Variants in FREM3 observed in about 807,000 individuals in gnomAD.
The protein encoded by FREM3 is FRAS1 related extracellular matrix 3.
Under a neutral mutation model 129.1 loss-of-function variants are expected in FREM3, and 105 were observed. That is an observed-to-expected ratio of 0.81 (90% CI 0.69 to 0.96). The LOEUF (loss-of-function observed/expected upper bound fraction) is 0.96, where lower values mean the gene tolerates loss of function less well. FREM3 is among the 40% of genes least tolerant of loss of function. FREM3 has a pLI of 0.00. For synonymous variants in FREM3, 1,014 were observed against 1,044.9 expected, an observed-to-expected ratio of 0.97 and a Z score of 0.57; for missense variants, 2,593 against 2,666.3, an observed-to-expected ratio of 0.97 and a Z score of 0.61.
At chr4:143,633,735 A>G (rs1302404222) in intron 2 of FREM3, among the ~76,000 whole-genome samples, 2 of 152,202 alleles carry the variant, frequency 1.3e-5, no homozygotes, top group African/African-American at 4.8e-5. Context: ...GCATAAATCA[A>G]TTACATACAG....
chr4:143,624,015 A>T, intron 4 of FREM3, 93 bp downstream of exon 4: 1 of 682,262 alleles, frequency 1.5e-6, no homozygotes, highest in Non-Finnish European at 2.5e-6. Flanking sequence ...GAACGCATTT[A>T]GTGGCTTACA....
chr4:143,593,993 G>A (rs992540750), intron 6 of FREM3, among the ~76,000 whole-genome samples: 2 of 152,206 alleles, frequency 1.3e-5, no homozygotes, highest in Non-Finnish European at 2.9e-5. Flanking sequence ...TGCTAGCAAT[G>A]AGCGAGGCTC....
At chr4:143,595,661 G>A (rs1200520088) in intron 6 of FREM3, among the ~76,000 whole-genome samples, 4 of 152,108 alleles carry the variant, frequency 2.6e-5, no homozygotes, top group African/African-American at 4.8e-5. Flanking sequence ...GCCAAGGTGG[G>A]CGGATCACGA....
chr4:143,610,720 A>G (rs1451907562), intron 6 of FREM3, among the ~76,000 whole-genome samples: 1 of 152,194 alleles, frequency 6.6e-6, no homozygotes, highest in Non-Finnish European at 1.5e-5. Flanking sequence ...TGGGCTTGAT[A>G]CTTTGTGTCG....
intron 6 of FREM3, among the ~76,000 whole-genome samples, chr4:143,592,370 G>A (rs1738380518): frequency 6.6e-6 from 1 of 151,156 alleles, no homozygotes; most frequent in East Asian, 1.9e-4. Context: ...TTTTTGCAGT[G>A]GCTGGTACTG....
At position 143,698,584 on chromosome 4, in the gene FREM3, C is replaced by T; in HGVS notation, c.2092G>A (p.Val698Met). The T allele has an allele frequency of 6.5e-7, 1 of 1,537,774 alleles. No homozygotes were observed. Among genetic ancestry groups the T allele is most frequent in the African/African-American group, 1.4e-5 (1 of 73,148 alleles). ...TACAGCTGTGGACTCAGTATATCCA[C>T]TGGTTGGACCTTGATGGTGAAAATG... Reference protein sequence around the residue: ...QHIFTIKVQPVDILSPQLYPG... With the variant: ...QHIFTIKVQPMDILSPQLYPG... Residue 698 changes from valine to methionine, a missense_variant, in exon 1 of 8, where the codon GTG (valine) becomes ATG (methionine). Physicochemically the swap from Val to Met is conservative, Grantham distance 21. Coordinates refer to ENST00000329798, the MANE Select transcript of FREM3 (RefSeq NM_001168235.2).
chr4:143,669,928 C>T (rs546256050), intron 2 of FREM3, among the ~76,000 whole-genome samples: 24 of 152,284 alleles, frequency 1.6e-4, no homozygotes, highest in Non-Finnish European at 3.5e-4. Context: ...GCCCTGCTCC[C>T]TTCCTCCCTT....
At position 143,699,540 on chromosome 4, in the gene FREM3, TG is replaced by T; in HGVS notation, c.1135del (p.Gln379SerfsTer4). On this transcript the variant is annotated frameshift_variant, in exon 1 of 8. Transcript: ENST00000329798. LOFTEE classifies it high-confidence loss of function. The surrounding 1 kb of genome is among the most constrained non-coding windows in gnomAD (Gnocchi z 4.2). ...AATCTTCAGCTCCCTCAGCTCCTGC[TG>T]GGTGAAGAAGGAGACTGGAAGCCCT... ...PLGLPVSFFT[Q>X]QELRELKIAY... The T allele has an allele frequency of 6.5e-7, 1 of 1,537,216 alleles. No homozygotes were observed. Among genetic ancestry groups the T allele is most frequent in the Non-Finnish European group, 8.7e-7 (1 of 1,146,886 alleles).
At chr4:143,607,650 A>G (rs1363510962) in intron 6 of FREM3, among the ~76,000 whole-genome samples, 2 of 152,184 alleles carry the variant, frequency 1.3e-5, no homozygotes, top group African/African-American at 4.8e-5. Flanking sequence ...GTATTTTCTT[A>G]AAGACAAGAA....
chr4:143,664,358 C>G (rs924241391), intron 2 of FREM3, among the ~76,000 whole-genome samples: 83 of 152,212 alleles, frequency 5.5e-4, no homozygotes, highest in Middle Eastern at 3.4e-3. Flanking sequence ...CACTCCAGAC[C>G]CTGTTTGCCT....
At position 143,698,667 on chromosome 4, in the gene FREM3, A is replaced by C; in HGVS notation, c.2009T>G (p.Val670Gly). Residue 670 changes from valine to glycine, a missense_variant, in exon 1 of 8, where the codon GTC becomes GGC. Val to Gly is a moderately radical substitution (Grantham distance 109, BLOSUM62 -3). Around this residue, in one of 2 missense-constraint regions of FREM3, gnomAD observed 2,276 missense variants for 2,267.2 expected, o/e 1.00. Coordinates refer to ENST00000329798, the MANE Select transcript of FREM3 (RefSeq NM_001168235.2). ...ATCCTGCACATGGAAAGCCAGCTGG[A>C]CCATTACAGATTGAGGGCTGTGTGG... ...LGPHSPQSVM[V>G]QLAFHVQDDH... 6.5e-7 allele frequency: 1 copy of C among 1,537,706 alleles called. No individual in the cohort carries two copies. The highest frequency in any genetic ancestry group is 8.7e-7 in the Non-Finnish European group (1 of 1,147,018).
In FREM3 at chr4:143,638,353, T is replaced by C. The variant is rs139417344; in HGVS notation, c.5276-10593A>G. Among the ~76,000 whole-genome samples the C allele has an allele frequency of 2.0e-3, 310 of 152,266 alleles. 3 individuals are homozygous for C. The highest frequency in any genetic ancestry group is 7.3e-3 in the African/African-American group (303 of 41,562). On this transcript the variant is annotated intron_variant, in intron 2 of 7. Coordinates refer to ENST00000329798, the MANE Select transcript of FREM3 (RefSeq NM_001168235.2). The stretch of plus-strand genomic sequence containing the variant: ...ACTGCGTGCCCACATGGGCCATCTC[T>C]TTTTGGGAGTTGAGGCTCCACATGG...
At chr4:143,590,003 A>G (rs879446930) in intron 6 of FREM3, among the ~76,000 whole-genome samples, 13 of 152,170 alleles carry the variant, frequency 8.5e-5, no homozygotes, top group East Asian at 5.8e-4. Flanking sequence ...CTTTGAAGCA[A>G]TTGTGAACGG....
intron 2 of FREM3, among the ~76,000 whole-genome samples, chr4:143,686,003 T>TTATA (rs142962701): frequency 1.3e-5 from 2 of 150,648 alleles, no homozygotes; most frequent in Non-Finnish European, 3.0e-5. Flanking sequence ...AGAACTTAAA[T>TTATA]TATATATATA....
At chr4:143,625,271 CA>C (rs916329054) in intron 3 of FREM3, among the ~76,000 whole-genome samples, 2 of 152,060 alleles carry the variant, frequency 1.3e-5, no homozygotes, top group African/African-American at 2.4e-5. Context: ...ACTTAAGTCC[CA>C]TTATAAGGGT....
chr4:143,698,071 CTAA>C lies in FREM3; in HGVS notation c.2602_2604del (p.Leu868del). 6.5e-7 allele frequency: 1 copy of C among 1,537,322 alleles called. No individual in the cohort carries two copies. Among genetic ancestry groups the C allele is most frequent in the Non-Finnish European group, 8.7e-7 (1 of 1,146,944 alleles). ...AAGTGTCCATGTTGGGGACCCCGGACTAATATGAAGACAATTTGGTCAATGTCT... is the reference window on the plus strand; with the variant it reads ...AAGTGTCCATGTTGGGGACCCCGGACTATGAAGACAATTTGGTCAATGTCT... On this transcript the variant is annotated inframe_deletion, in exon 1 of 8. Transcript: ENST00000329798.
intron 2 of FREM3, among the ~76,000 whole-genome samples, chr4:143,686,825 G>A (rs1325209833): frequency 2.0e-5 from 3 of 152,048 alleles, no homozygotes; most frequent in Non-Finnish European, 2.9e-5. Flanking sequence ...TACAGCAAAA[G>A]TGGTGCTAAG....
In FREM3 at chr4:143,647,526, T is replaced by A. The variant is rs553496102; in HGVS notation, c.5276-19766A>T. 4.6e-5 allele frequency among the ~76,000 whole-genome samples: 7 copies of A among 152,298 alleles called. No homozygotes were observed. In the South Asian group the frequency reaches 1.2e-3, roughly 27 times the overall value. On this transcript the variant is annotated intron_variant, in intron 2 of 7. Transcript: ENST00000329798. ...GTTTTGTGGGATGGGCCCAGGGCCT[T>A]GCTGCTTTGTGTGGTCTTGGGACTT...
chr4:143,674,656 G>A (rs1335958973), intron 2 of FREM3, among the ~76,000 whole-genome samples: 5 of 152,244 alleles, frequency 3.3e-5, no homozygotes, highest in African/African-American at 1.2e-4. Flanking sequence ...CATTTCATGT[G>A]CAGAGACACA....
Sources: gnomAD v4.1 joint callset for allele counts (sites outside exome capture counted in the v4.1 genomes callset) on GRCh38, gnomAD v4.1.1 for gene constraint, gnomAD v4.1.1 regional missense constraint, Gnocchi (gnomAD v3.1) non-coding constraint, MANE v1.5 for transcripts, NCBI Gene and HGNC (gene_info 2026-07-23, HGNC 2026-07-21) for gene names.